The following SLC12A1 variants were observed in gnomAD, a reference collection of about 807,000 sequenced individuals.
SLC12A1 encodes the protein Na-K-2Cl cotransporter.
In SLC12A1, 89 loss-of-function variants were observed where a neutral mutation model predicts 130.4. That is an observed-to-expected ratio of 0.68 (90% CI 0.58 to 0.81). The LOEUF (loss-of-function observed/expected upper bound fraction) is 0.81. SLC12A1 is among the 40% of genes least tolerant of loss of function. SLC12A1 has a pLI of 0.00. For synonymous variants in SLC12A1, 499 were observed against 460.0 expected (o/e 1.08, Z -1.09); for missense variants, 1,310 against 1,336.4 (o/e 0.98, Z 0.31).
At chr15:48,232,588 T>C in intron 7 of SLC12A1, 139 bp from the exon 8 acceptor site, 2 of 676,940 alleles carry the variant, frequency 3.0e-6, no homozygotes, top group Non-Finnish European at 5.4e-6. Context: ...AGGATGCATG[T>C]ATTACCTACT....
In SLC12A1 at chr15:48,226,513, A is replaced by G. The variant is rs752111478; in HGVS notation, c.666A>G (p.Val222=). The change falls in exon 5 of 27, where the codon GTA becomes GTG. Residue 222 remains valine, a synonymous_variant. Transcript: ENST00000380993. ...TCATAATTCTTCTTTCCACCATGGT[A>G]ACTTCTATTACTGGGTTGTCAACTT... is the stretch of plus-strand genomic sequence containing the variant. ...GVLIILLSTM[V]TSITGLSTSA... 1.2e-6 allele frequency: 2 copies of G among 1,606,302 alleles called. No homozygotes were observed. Among genetic ancestry groups the G allele is most frequent in the South Asian group, 2.2e-5 (2 of 88,994 alleles).
intron 8 of SLC12A1, among the ~76,000 whole-genome samples, chr15:48,233,767 A>G (rs2041407032): frequency 6.6e-6 from 1 of 152,002 alleles, no homozygotes; most frequent in Non-Finnish European, 1.5e-5. Context: ...TTTGCTTTGC[A>G]TGTTAATATC....
rs150471118 is a variant in SLC12A1 at position 48,243,144 on chromosome 15, T to C, written c.1300+1545T>C. On this transcript the variant is annotated intron_variant, in intron 10 of 26. Transcript: ENST00000380993. ...GGCTCTTGGCCTGGCTTCATGGGAA[T>C]TTGAGAGATCTGTTATGCAGAGGTT... Among the ~76,000 whole-genome samples, 21 of 152,142 alleles carry C rather than the reference T, an allele frequency of 1.4e-4. No homozygotes were observed. In the East Asian group the frequency reaches 4.1e-3, roughly 29 times the overall value.
chr15:48,206,857 T>C (rs910762464), intron 1 of SLC12A1, among the ~76,000 whole-genome samples: 7 of 152,176 alleles, frequency 4.6e-5, no homozygotes, highest in Non-Finnish European at 7.4e-5. Flanking sequence ...TCTATATTCA[T>C]ATTTTTTTAA....
At chr15:48,265,634 T>C (rs1413349129) in intron 17 of SLC12A1, among the ~76,000 whole-genome samples, 1 of 152,178 alleles carries the variant, frequency 6.6e-6, no homozygotes. Flanking sequence ...AATCTCTCTA[T>C]CTTTTCTATC....
In SLC12A1 at chr15:48,259,125, T is replaced by G. The variant is rs1048859775; in HGVS notation, c.2043-75T>G. ...CCATTTTTCCAAGCCTCTGTACCTG[T>G]CATCCCACTGGAATGGTTCTAAGGT... is the stretch of plus-strand genomic sequence containing the variant. On this transcript the variant is annotated intron_variant, in intron 16 of 26. Transcript: ENST00000380993. 17 of 958,450 alleles carry G rather than the reference T, an allele frequency of 1.8e-5. No individual in the cohort carries two copies. In the African/African-American group the frequency reaches 2.6e-4, roughly 15 times the overall value. The allele number at this position is 958,450 out of a possible 1,614,324, so 59.4% of individuals were successfully genotyped here.
chr15:48,259,376 G>A (rs2041744634), intron 17 of SLC12A1, 65 bp downstream of exon 17: 6 of 1,108,344 alleles, frequency 5.4e-6, no homozygotes, highest in Non-Finnish European at 7.0e-6. Flanking sequence ...TATTTTGGGT[G>A]AGGAGAAAAG....
intron 26 of SLC12A1, among the ~76,000 whole-genome samples, chr15:48,302,400 C>T (rs1359403360): frequency 6.6e-6 from 1 of 151,310 alleles, no homozygotes; most frequent in Admixed American, 6.6e-5. Context: ...GCGGGTGGAT[C>T]ATGAGGTCAG....
intron 20 of SLC12A1, among the ~76,000 whole-genome samples, chr15:48,275,759 A>G (rs995602513): frequency 2.0e-5 from 3 of 152,224 alleles, no homozygotes; most frequent in Admixed American, 2.0e-4. Flanking sequence ...ACAATAGTAA[A>G]ATATGGGGCT....
At chr15:48,221,864 C>T (rs536861031) in intron 4 of SLC12A1, among the ~76,000 whole-genome samples, 26 of 152,250 alleles carry the variant, frequency 1.7e-4, no homozygotes, top group African/African-American at 5.8e-4. Context: ...TTTCAGATAG[C>T]ACTCCAGAAG....
intron 10 of SLC12A1, 22 bp from the exon 11 acceptor site, chr15:48,244,728 TAAC>T (rs2041557788): frequency 1.2e-6 from 2 of 1,612,966 alleles, no homozygotes; most frequent in Non-Finnish European, 1.7e-6. Context: ...TATAAAGAAA[TAAC>T]AAGCCACGGT....
intron 24 of SLC12A1, 39 bp downstream of exon 24, chr15:48,291,903 T>G: frequency 8.4e-7 from 1 of 1,192,696 alleles, no homozygotes; most frequent in Non-Finnish European, 1.2e-6. Flanking sequence ...TTACCCATGG[T>G]ACTCTCTCAT....
chr15:48,291,764 T>C lies in SLC12A1; in HGVS notation c.2874-14T>C. ...AATATGCAATGATGAAGTATTTTCC[T>C]TTTATATTTTCAGAATGGCTTCCCT... On this transcript the variant is annotated splice_polypyrimidine_tract_variant and intron_variant, in intron 23 of 26. Transcript: ENST00000380993. The C allele has an allele frequency of 6.6e-7, 1 of 1,510,712 alleles. No individual in the cohort carries two copies. The highest frequency in any genetic ancestry group is 9.0e-7 in the Non-Finnish European group (1 of 1,109,710). The allele number at this position is 1,510,712 out of a possible 1,614,324, so 93.6% of individuals were successfully genotyped here. A position where few individuals can be genotyped will look rare whatever the true frequency, so the allele number is the denominator to read the frequency against.
chr15:48,302,416 C>G (rs1038730918), intron 26 of SLC12A1, among the ~76,000 whole-genome samples: 1 of 150,574 alleles, frequency 6.6e-6, no homozygotes, highest in Non-Finnish European at 1.5e-5. Context: ...GTCAGGAGAT[C>G]GAGACCATCC....
intron 2 of SLC12A1, among the ~76,000 whole-genome samples, chr15:48,214,230 A>G (rs2041091280): frequency 6.6e-6 from 1 of 152,332 alleles, no homozygotes; most frequent in East Asian, 1.9e-4. Context: ...ACTCAGGGCC[A>G]GTTCCCCGGG....
chr15:48,293,484 C>T (rs1023793808), intron 24 of SLC12A1, among the ~76,000 whole-genome samples: 3 of 152,284 alleles, frequency 2.0e-5, no homozygotes, highest in Non-Finnish European at 4.4e-5. Context: ...TAGATTATCA[C>T]GGTTCTGTCA....
chr15:48,276,788 G>A (rs994504960), intron 20 of SLC12A1, among the ~76,000 whole-genome samples: 7 of 152,144 alleles, frequency 4.6e-5, no homozygotes, highest in Non-Finnish European at 1.0e-4. Flanking sequence ...GGACTCGAAA[G>A]TGTAGGAAAA....
At chr15:48,260,649 G>T (rs115205866) in intron 17 of SLC12A1, among the ~76,000 whole-genome samples, 229 of 152,274 alleles carry the variant, frequency 1.5e-3, no homozygotes, top group African/African-American at 5.4e-3. Flanking sequence ...AGTGTGCTAA[G>T]TGTCACGCCT....
chr15:48,300,166 T>C (rs546265489), intron 25 of SLC12A1, among the ~76,000 whole-genome samples: 12 of 151,946 alleles, frequency 7.9e-5, no homozygotes, highest in Middle Eastern at 3.4e-3. Context: ...ACCCCACCTC[T>C]ACAAAAAATT....
Sources: allele counts gnomAD v4.1 joint callset (sites outside exome capture counted in the v4.1 genomes callset), GRCh38; gene constraint gnomAD v4.1.1; transcripts MANE v1.5; gene names NCBI Gene and HGNC (gene_info 2026-07-23, HGNC 2026-07-21).